The following TRAF2 variants were observed in gnomAD, a reference collection of about 807,000 sequenced individuals.
TRAF2 encodes the protein TNF receptor associated factor 2.
In TRAF2, 6 loss-of-function variants were observed where a neutral mutation model predicts 55.6. The observed-to-expected ratio is 0.11, with a 90% CI of 0.06 to 0.21. The LOEUF is 0.21. TRAF2 is among the 10% of genes least tolerant of loss of function. The probability of loss-of-function intolerance (pLI) is 1.00; values close to 1 mark genes in which losing one functional copy is unlikely to be tolerated. For synonymous variants in TRAF2, 329 were observed against 276.3 expected, an observed-to-expected ratio of 1.19 and a Z score of -1.89; for missense variants, 561 against 684.5, an observed-to-expected ratio of 0.82 and a Z score of 2.01.
intron 9 of TRAF2, among the ~76,000 whole-genome samples, chr9:136,922,944 G>A (rs1437491105): frequency 1.3e-5 from 2 of 151,678 alleles, no homozygotes; most frequent in African/African-American, 2.4e-5. Context: ...AGGATGGGGA[G>A]GATGGGCCTG....
At chr9:136,886,455 C>T, upstream of TRAF2, 2 of 1,005,840 alleles carry the variant, frequency 2.0e-6, no homozygotes, top group African/African-American at 1.7e-5. Context: ...GTCCGTCAGG[C>T]GCACGCGGCG....
intron 4 of TRAF2, among the ~76,000 whole-genome samples, chr9:136,903,934 G>A (rs17250798): frequency 1.3e-5 from 2 of 152,208 alleles, no homozygotes; most frequent in Non-Finnish European, 2.9e-5. Flanking sequence ...CGCCTGCCTC[G>A]GCCTCCCAAA....
chr9:136,912,102 C>G (rs1288087688), intron 6 of TRAF2, among the ~76,000 whole-genome samples: 5 of 148,842 alleles, frequency 3.4e-5, no homozygotes, highest in African/African-American at 1.2e-4. Context: ...ATCTGCCCAC[C>G]TCGGCTCCCA....
intron 7 of TRAF2, among the ~76,000 whole-genome samples, chr9:136,918,243 AT>A (rs1439001480): frequency 8.8e-5 from 4 of 45,422 alleles, no homozygotes; most frequent in African/African-American, 6.5e-4. Flanking sequence ...ATATATATAT[AT>A]ATATATATAT....
chr9:136,909,561 A>C (rs1033461193), intron 5 of TRAF2, among the ~76,000 whole-genome samples: 6 of 152,004 alleles, frequency 3.9e-5, no homozygotes, highest in Non-Finnish European at 5.9e-5. Context: ...GACGTCCCGC[A>C]TGCCGCCAGC....
In TRAF2 at chr9:136,898,668, A is replaced by G. The variant is rs748832771; in HGVS notation, c.-28-45A>G. On this transcript the variant is annotated intron_variant, in intron 1 of 10. Transcript: ENST00000247668. ...CCATTGGTTTGGTTTTGTCTCGAGG[A>G]CTGTTCTGGAATTGAGGTGTAACGT... 4.4e-6 allele frequency: 7 copies of G among 1,601,350 alleles called. No homozygotes were observed. The African/African-American group carries it at 9.4e-5, about 21-fold the overall frequency.
chr9:136,900,429 C>A lies in TRAF2; in HGVS notation c.275C>A (p.Pro92Gln). The change falls in exon 4 of 11, where the codon CCA becomes CAA. Residue 92 changes from proline to glutamine, a missense_variant. This residue lies in a region of TRAF2 where 426 missense variants were observed against 476.8 expected (regional missense o/e 0.89). Coordinates refer to ENST00000247668, the MANE Select transcript of TRAF2 (RefSeq NM_021138.4). ...GGATATTCCTCTCCCCAGGCCTTCC[C>A]AGATAATGCTGCCCGCAGGGAGGTG... is the stretch of plus-strand genomic sequence containing the variant. ...ISILESSSAF[P>Q]DNAARREVES... The A allele has an allele frequency of 1.3e-6, 2 of 1,599,326 alleles. No homozygotes were observed. The highest frequency in any genetic ancestry group is 1.7e-6 in the Non-Finnish European group (2 of 1,171,312).
chr9:136,921,303 C>T lies in TRAF2; in HGVS notation c.1138+88C>T, dbSNP rs1850379226. 4 of 1,535,176 alleles carry T rather than the reference C, an allele frequency of 2.6e-6. No individual in the cohort carries two copies. In the South Asian group the frequency reaches 4.7e-5, roughly 18 times the overall value. ...CCCCTGTGACCACATAGGATGGCTC[C>T]CAAGGGTGGGGCTGGGATACGACCC... On this transcript the variant is annotated intron_variant, in intron 9 of 10. Transcript: ENST00000247668.
rs1456958775 is a variant in TRAF2, at chr9:136,899,687, T to G, written c.267+15T>G. 1 of 1,608,976 alleles carries G rather than the reference T, an allele frequency of 6.2e-7. No individual in the cohort carries two copies. The highest frequency in any genetic ancestry group is 1.1e-5 in the South Asian group (1 of 90,832). On this transcript the variant is annotated intron_variant, in intron 3 of 10. Transcript: ENST00000247668. ...AAAGCAGTTCGGTAAGTAAAATGTC[T>G]TGAAGCTAAAAATGTTGAACAGAAA...
At chr9:136,923,201 C>T (rs1191514726) in intron 9 of TRAF2, among the ~76,000 whole-genome samples, 31 of 152,158 alleles carry the variant, frequency 2.0e-4, no homozygotes, top group Admixed American at 1.3e-3. Flanking sequence ...AGCCCTGGGC[C>T]GGTCAGGGCT....
chr9:136,899,589 A>G lies in TRAF2; in HGVS notation c.189-5A>G, dbSNP rs756933320. 5 of 1,604,500 alleles carry G rather than the reference A, an allele frequency of 3.1e-6. No individual in the cohort carries two copies. Among genetic ancestry groups the G allele is most frequent in the South Asian group, 1.1e-5 (1 of 89,612 alleles). On this transcript the variant is annotated splice_region_variant and splice_polypyrimidine_tract_variant and intron_variant, in intron 2 of 10. Transcript: ENST00000247668. ...GGGTTGTTTTTTGCCTTTTTTCCCC[A>G]CTAGCTCTGGGCCTCAGAACTGTGC...
Position 136,899,587 on chromosome 9 carries a change from C to G in TRAF2, c.189-7C>G. 1 of 1,601,516 alleles carries G rather than the reference C, an allele frequency of 6.2e-7. No individual in the cohort carries two copies. The highest frequency in any genetic ancestry group is 8.5e-7 in the Non-Finnish European group (1 of 1,173,068). On this transcript the variant is annotated splice_region_variant and splice_polypyrimidine_tract_variant and intron_variant, in intron 2 of 10. Coordinates refer to ENST00000247668, the MANE Select transcript of TRAF2 (RefSeq NM_021138.4). ...GTGGGTTGTTTTTTGCCTTTTTTCCCCACTAGCTCTGGGCCTCAGAACTGT... is the reference window on the plus strand; with the variant it reads ...GTGGGTTGTTTTTTGCCTTTTTTCCGCACTAGCTCTGGGCCTCAGAACTGT...
upstream of TRAF2, among the ~76,000 whole-genome samples, chr9:136,882,390 C>A (rs1054531286): frequency 6.6e-6 from 1 of 152,224 alleles, no homozygotes; most frequent in African/African-American, 2.4e-5. Flanking sequence ...CTGGCCAGGC[C>A]AGTGAGTGGC....
chr9:136,886,500 A>T, upstream of TRAF2: 1 of 1,000,776 alleles, frequency 1.0e-6, no homozygotes, highest in Non-Finnish European at 1.2e-6. Flanking sequence ...TGGGGGCGGT[A>T]GCTGGGCGGG....
chr9:136,906,251 C>T (rs1170416079), intron 4 of TRAF2, among the ~76,000 whole-genome samples: 2 of 152,108 alleles, frequency 1.3e-5, no homozygotes, highest in Non-Finnish European at 2.9e-5. Flanking sequence ...TGCACTCCAG[C>T]CTAGGTAACT....
chr9:136,922,828 T>C (rs1241676314), intron 9 of TRAF2, among the ~76,000 whole-genome samples: 5 of 68,024 alleles, frequency 7.4e-5, no homozygotes, highest in Admixed American at 1.8e-4. Flanking sequence ...AGGATGGGTC[T>C]GGGGGCACGT....
intron 2 of TRAF2, 63 bp from the exon 3 acceptor site, chr9:136,899,531 A>C: frequency 1.3e-6 from 2 of 1,508,568 alleles, no homozygotes; most frequent in Non-Finnish European, 1.8e-6. Context: ...ACTGAAGCAA[A>C]TGGTGTTTGT....
At position 136,886,526 on chromosome 9, in the gene TRAF2, G is replaced by A; in HGVS notation, c.-44G>A. ...GCTGGGCGGGCCCTTAGTTCCGGGC[G>A]CGCTGCGACCGTTGGGTGAGGCGAG... On this transcript the variant is annotated 5_prime_UTR_variant, in exon 1 of 11. Transcript: ENST00000247668. 1 of 988,876 alleles carries A rather than the reference G, an allele frequency of 1.0e-6. No homozygotes were observed. The highest frequency in any genetic ancestry group is 1.2e-6 in the Non-Finnish European group (1 of 832,216). 61.3% of individuals were successfully genotyped at this position (988,876 alleles called of 1,614,324 possible). A position where few individuals can be genotyped will look rare whatever the true frequency, so the allele number is the denominator to read the frequency against.
chr9:136,918,435 G>C (rs1007179168), intron 7 of TRAF2, among the ~76,000 whole-genome samples: 3 of 151,526 alleles, frequency 2.0e-5, no homozygotes, highest in African/African-American at 7.3e-5. Context: ...GATCACAGCT[G>C]TGTGCCACCA....
Sources: gnomAD v4.1 joint callset for allele counts (sites outside exome capture counted in the v4.1 genomes callset) on GRCh38, gnomAD v4.1.1 for gene constraint, gnomAD v4.1.1 regional missense constraint, MANE v1.5 for transcripts, NCBI Gene and HGNC (gene_info 2026-07-23, HGNC 2026-07-21) for gene names.